The following TRAPPC9 variants were observed in gnomAD, a reference collection of about 807,000 sequenced individuals.
TRAPPC9 encodes the protein trafficking protein particle complex subunit 9, also known as IKK2 binding protein.
TRAPPC9 carries 83 observed loss-of-function variants against 124.0 expected under a neutral mutation model. The observed-to-expected ratio is 0.67, with a 90% CI of 0.56 to 0.80. The LOEUF (loss-of-function observed/expected upper bound fraction) is 0.80, where lower values mean the gene tolerates loss of function less well. TRAPPC9 is among the 30% of genes least tolerant of loss of function. TRAPPC9 has a pLI of 0.00. For missense variants in TRAPPC9, 1,302 were observed against 1,508.3 expected (o/e 0.86, Z 2.27); for synonymous variants, 638 against 617.5 (o/e 1.03, Z -0.49).
At chr8:139,827,731 C>T (rs773239552) in intron 21 of TRAPPC9, among the ~76,000 whole-genome samples, 1 of 152,212 alleles carries the variant, frequency 6.6e-6, no homozygotes, top group Non-Finnish European at 1.5e-5. Context: ...GCTGTTCTTG[C>T]ATTGCTATCA....
At chr8:139,969,157 C>A (rs1246169661) in intron 19 of TRAPPC9, among the ~76,000 whole-genome samples, 1 of 152,222 alleles carries the variant, frequency 6.6e-6, no homozygotes, top group South Asian at 2.1e-4. Flanking sequence ...GAAGATGGCC[C>A]GGATGGGCAA....
chr8:140,002,593 A>G (rs1838473115), intron 18 of TRAPPC9, among the ~76,000 whole-genome samples: 2 of 152,096 alleles, frequency 1.3e-5, no homozygotes, highest in Admixed American at 6.6e-5. Context: ...TGTAGGGTAC[A>G]CTAACATAGT....
chr8:140,132,305 G>A (rs1334895507), intron 17 of TRAPPC9, among the ~76,000 whole-genome samples: 2 of 152,188 alleles, frequency 1.3e-5, no homozygotes, highest in African/African-American at 2.4e-5. Context: ...AGAGGAAAAG[G>A]CCATTAAAAA....
intron 17 of TRAPPC9, among the ~76,000 whole-genome samples, chr8:140,140,894 C>T (rs1250707579): frequency 6.6e-6 from 1 of 152,226 alleles, no homozygotes; most frequent in Non-Finnish European, 1.5e-5. Flanking sequence ...GTTTTCCCCT[C>T]AGCCAGTCAC....
At chr8:140,039,607 T>G (rs1230544164) in intron 17 of TRAPPC9, 1 of 152,212 alleles carries the variant, frequency 6.6e-6, no homozygotes, top group Non-Finnish European at 1.5e-5. Context: ...ACACTTGACT[T>G]TTTCTTCTTC....
intron 21 of TRAPPC9, among the ~76,000 whole-genome samples, chr8:139,868,569 T>C (rs1828695087): frequency 6.6e-6 from 1 of 152,142 alleles, no homozygotes; most frequent in African/African-American, 2.4e-5. Flanking sequence ...AATATAAATA[T>C]ATTGGGAAAA....
intron 17 of TRAPPC9, among the ~76,000 whole-genome samples, chr8:140,188,110 G>A (rs570674978): frequency 6.6e-6 from 1 of 152,320 alleles, no homozygotes; most frequent in Non-Finnish European, 1.5e-5. Context: ...TGGCCTCCCA[G>A]AGATCATGGG....
At chr8:139,769,587 G>C (rs925383010) in intron 21 of TRAPPC9, among the ~76,000 whole-genome samples, 3 of 152,220 alleles carry the variant, frequency 2.0e-5, no homozygotes, top group Admixed American at 2.0e-4. Context: ...CAAAACCGAG[G>C]ATAAGGGAGG....
intron 15 of TRAPPC9, among the ~76,000 whole-genome samples, chr8:140,266,849 G>A (rs2064682616): frequency 6.6e-6 from 1 of 151,866 alleles, no homozygotes; most frequent in Non-Finnish European, 1.5e-5. Context: ...GACAGAGCGA[G>A]ACTCCATCTC....
Position 140,360,323 on chromosome 8 carries a change from A to T in TRAPPC9, c.1352-130T>A, listed in dbSNP as rs142374172. 170 of 1,206,618 alleles carry T rather than the reference A, an allele frequency of 1.4e-4. 1 individual carries two copies. In the East Asian group the frequency reaches 4.2e-3, roughly 30 times the overall value. 74.7% of individuals were successfully genotyped at this position (1,206,618 alleles called of 1,614,324 possible). A position where few individuals can be genotyped will look rare whatever the true frequency, so the allele number is the denominator to read the frequency against. On this transcript the variant is annotated intron_variant, in intron 8 of 22. Coordinates refer to ENST00000438773, the MANE Select transcript of TRAPPC9 (RefSeq NM_001160372.4). The stretch of plus-strand genomic sequence containing the variant: ...CCACCAAACTCCAAGAGCAACAAAA[A>T]ATATTTCCTCTGCTTTTAATGACCC...
At chr8:139,748,950 C>T (rs1226405038) in intron 21 of TRAPPC9, among the ~76,000 whole-genome samples, 1 of 152,142 alleles carries the variant, frequency 6.6e-6, no homozygotes, top group Non-Finnish European at 1.5e-5. Context: ...AACCAGGTTT[C>T]TGGACTCCTG....
intron 19 of TRAPPC9, chr8:139,932,425 G>A (rs192832505): frequency 6.3e-5 from 29 of 457,828 alleles, no homozygotes; most frequent in African/African-American, 8.0e-5. Flanking sequence ...TCTTTCTCCC[G>A]TCATAAGTAC....
intron 1 of TRAPPC9, among the ~76,000 whole-genome samples, chr8:140,453,589 A>T (rs938612250): frequency 4.6e-4 from 67 of 147,008 alleles, no homozygotes; most frequent in African/African-American, 1.6e-3. Flanking sequence ...ATTAAATTTT[A>T]AAAAAAGGAA....
At chr8:140,446,248 C>A (rs976577353) in intron 2 of TRAPPC9, among the ~76,000 whole-genome samples, 1 of 149,420 alleles carries the variant, frequency 6.7e-6, no homozygotes, top group East Asian at 2.0e-4. Flanking sequence ...GAGCCAGGAT[C>A]GCGCCACTGC....
At position 140,257,452 on chromosome 8, in the gene TRAPPC9, C is replaced by T. The variant is rs1480349382; in HGVS notation, c.2279-4523G>A. Reference sequence around the variant, plus strand: ...CCATCCTGACGACACTACTTTAGACCCACCTTGGTTTGAAAAGAAGCCTCC... The same window carrying T: ...CCATCCTGACGACACTACTTTAGACTCACCTTGGTTTGAAAAGAAGCCTCC... On this transcript the variant is annotated intron_variant, in intron 15 of 22. Coordinates refer to ENST00000438773, the MANE Select transcript of TRAPPC9 (RefSeq NM_001160372.4). The surrounding 1 kb of genome is among the most constrained non-coding windows in gnomAD (Gnocchi z 4.6). 6.6e-6 allele frequency among the ~76,000 whole-genome samples: 1 copy of T among 151,990 alleles called. No individual in the cohort carries two copies. The highest frequency in any genetic ancestry group is 1.5e-5 in the Non-Finnish European group (1 of 68,002).
intron 19 of TRAPPC9, among the ~76,000 whole-genome samples, chr8:139,927,807 C>T (rs187312546): frequency 5.2e-4 from 79 of 152,304 alleles, no homozygotes; most frequent in Non-Finnish European, 9.8e-4. Context: ...AGGCCAACCA[C>T]GTGGATGAAT....
intron 21 of TRAPPC9, among the ~76,000 whole-genome samples, chr8:139,775,693 T>C (rs2130483076): frequency 6.6e-6 from 1 of 152,302 alleles, no homozygotes; most frequent in African/African-American, 2.4e-5. Flanking sequence ...TCTGGCAGGC[T>C]GGGGCCACCC....
At chr8:140,444,689 C>A (rs1178462213) in intron 2 of TRAPPC9, among the ~76,000 whole-genome samples, 1 of 151,792 alleles carries the variant, frequency 6.6e-6, no homozygotes, top group African/African-American at 2.4e-5. Flanking sequence ...GGTGAGACCC[C>A]CCCCATCTCT....
intron 4 of TRAPPC9, among the ~76,000 whole-genome samples, chr8:140,428,654 T>C (rs73356494): frequency 0.029 from 4,436 of 152,268 alleles, 215 homozygotes; most frequent in African/African-American, 0.096. Flanking sequence ...ATCTTTTGTT[T>C]ATATTTAGGG....
Sources: gnomAD v4.1 joint callset for allele counts (sites outside exome capture counted in the v4.1 genomes callset) on GRCh38, gnomAD v4.1.1 for gene constraint, Gnocchi (gnomAD v3.1) non-coding constraint, MANE v1.5 for transcripts, NCBI Gene and HGNC (gene_info 2026-07-23, HGNC 2026-07-21) for gene names.